Variants in PUM1 observed in about 807,000 individuals in gnomAD.
PUM1 encodes pumilio RNA binding family member 1, also known as pumilio homolog 1.
Under a neutral mutation model 131.8 loss-of-function variants are expected in PUM1, and 13 were observed. That is an observed-to-expected ratio of 0.10 (90% CI 0.06 to 0.16). The LOEUF is 0.16. PUM1 is among the 10% of genes least tolerant of loss of function. The pLI, the probability that PUM1 is intolerant of heterozygous loss-of-function variation, is 1.00. For missense variants in PUM1, 961 were observed against 1,512.4 expected, an observed-to-expected ratio of 0.64 and a Z score of 6.05; for synonymous variants, 509 against 556.5, an observed-to-expected ratio of 0.91 and a Z score of 1.20.
intron 3 of PUM1, among the ~76,000 whole-genome samples, chr1:31,022,999 T>C (rs1469446946): frequency 2.6e-5 from 4 of 151,700 alleles, no homozygotes; most frequent in Admixed American, 6.6e-5. Context: ...TGAAACCCTG[T>C]CTCTATTAAA....
At position 30,992,576 on chromosome 1, in the gene PUM1, C is replaced by G; in HGVS notation, c.972G>C (p.Gln324His). 1 of 1,614,232 alleles carries G rather than the reference C, an allele frequency of 6.2e-7. No individual in the cohort carries two copies. The highest frequency in any genetic ancestry group is 8.5e-7 in the Non-Finnish European group (1 of 1,180,032). The change falls in exon 7 of 22, where the codon CAG becomes CAC. Residue 324 changes from glutamine (Q) to histidine (H), a missense_variant. By Grantham distance (24) the Gln-to-His change is conservative (BLOSUM62 0). Transcript: ENST00000426105. ...PNQNGSEGLA[Q>H]LTSTNGAKPV... ...GCTTGGCACCATTGGTGCTGGTCAG[C>G]TGGGCTAAGCCCTCAGAACCATTCT...
At chr1:31,022,956 G>A (rs1643087191) in intron 3 of PUM1, among the ~76,000 whole-genome samples, 1 of 152,038 alleles carries the variant, frequency 6.6e-6, no homozygotes, top group South Asian at 2.1e-4. Flanking sequence ...ATCACTGGAA[G>A]TCACGAGTTT....
At position 31,059,349 on chromosome 1, in the gene PUM1, C is replaced by A. The variant is rs772604873; in HGVS notation, c.218G>T (p.Gly73Val). The A allele has an allele frequency of 5.6e-6, 9 of 1,614,062 alleles. No individual in the cohort carries two copies. The highest frequency in any genetic ancestry group is 1.1e-5 in the South Asian group (1 of 91,084). Residue 73 changes from glycine to valine, a missense_variant, in exon 2 of 22, where the codon GGC becomes GTC. Transcript: ENST00000426105. The part of the protein sequence containing the change: ...SPVPGSIGVA[G>V]RSQDDAMVDY... Reference sequence around the variant, plus strand: ...CACCATAGCGTCGTCCTGGGAACGGCCTGCAACTCCTATAGATCCTGGGAC... The same window carrying A: ...CACCATAGCGTCGTCCTGGGAACGGACTGCAACTCCTATAGATCCTGGGAC...
At chr1:30,966,373 G>T (rs921257265) in intron 12 of PUM1, 95 bp from the exon 13 acceptor site, 3 of 1,241,718 alleles carry the variant, frequency 2.4e-6, no homozygotes, top group Non-Finnish European at 3.3e-6. Flanking sequence ...TTTTAATGCT[G>T]CCTATCTTTT....
chr1:30,935,422 A>G (rs747598981), intron 21 of PUM1, among the ~76,000 whole-genome samples: 4 of 152,216 alleles, frequency 2.6e-5, no homozygotes, highest in African/African-American at 4.8e-5. Flanking sequence ...CCCAGTAACT[A>G]TCTGTGCACA....
intron 5 of PUM1, among the ~76,000 whole-genome samples, chr1:31,004,187 C>T (rs1464756768): frequency 6.6e-6 from 1 of 152,194 alleles, no homozygotes; most frequent in Non-Finnish European, 1.5e-5. Context: ...AGTGAGATGA[C>T]TGTTTAAAGA....
chr1:30,972,449 A>G (rs113987190), intron 10 of PUM1, among the ~76,000 whole-genome samples: 16 of 730 alleles, frequency 0.022, 6 homozygotes, highest in African/African-American at 0.1. Flanking sequence ...GAGGGGAGGG[A>G]AGAGAAGAGA....
chr1:31,033,376 CTTTTTTT>C (rs748444500), intron 2 of PUM1, among the ~76,000 whole-genome samples: 12 of 102,552 alleles, frequency 1.2e-4, no homozygotes, highest in African/African-American at 1.1e-4. Flanking sequence ...AGCTAATTTT[CTTTTTTT>C]TTTTTTTTTT....
At position 31,012,552 on chromosome 1, in the gene PUM1, TAA is replaced by T. The variant is rs10666570; in HGVS notation, c.433-5452_433-5451del. ...ATAAAATAAAAAAACTTATGAAAAG[TAA>T]AAAAAAAAAAAAAAAAAAAATTCAG... On this transcript the variant is annotated intron_variant, in intron 3 of 21. Coordinates refer to ENST00000426105, the MANE Select transcript of PUM1 (RefSeq NM_001020658.2). Among the ~76,000 whole-genome samples, 654 of 119,160 alleles carry T rather than the reference TAA, an allele frequency of 5.5e-3. 6 individuals are homozygous for T. The highest frequency in any genetic ancestry group is 0.016 in the African/African-American group (522 of 32,374). 78.2% of individuals were successfully genotyped at this position (119,160 alleles called of 152,430 possible). A position where few individuals can be genotyped will look rare whatever the true frequency, so the allele number is the denominator to read the frequency against.
At chr1:31,020,685 G>A (rs1642988681) in intron 3 of PUM1, among the ~76,000 whole-genome samples, 1 of 152,108 alleles carries the variant, frequency 6.6e-6, no homozygotes, top group Admixed American at 6.6e-5. Flanking sequence ...TAGCCTCAGG[G>A]AATTTTAAAT....
At chr1:31,027,404 A>C (rs1643264454) in intron 3 of PUM1, among the ~76,000 whole-genome samples, 1 of 152,248 alleles carries the variant, frequency 6.6e-6, no homozygotes, top group African/African-American at 2.4e-5. Context: ...TATCCAACAA[A>C]TATGTTAACT....
chr1:31,044,411 ATAAAAAT>A (rs1643906076), intron 2 of PUM1, among the ~76,000 whole-genome samples: 2 of 152,108 alleles, frequency 1.3e-5, no homozygotes, highest in Non-Finnish European at 2.9e-5. Context: ...AAAATAAAAA[ATAAAAAT>A]AAATGATGTA....
intron 2 of PUM1, among the ~76,000 whole-genome samples, chr1:31,033,376 CTTTTTTTTTT>C (rs748444500): frequency 2.0e-5 from 2 of 102,556 alleles, no homozygotes; most frequent in East Asian, 5.0e-4. Flanking sequence ...AGCTAATTTT[CTTTTTTTTTT>C]TTTTTTTTTT....
intron 21 of PUM1, among the ~76,000 whole-genome samples, chr1:30,934,442 T>C (rs1222770683): frequency 6.6e-6 from 1 of 152,142 alleles, no homozygotes; most frequent in Admixed American, 6.6e-5. Context: ...TTTAGCTGTG[T>C]CCTCAAAGCA....
At chr1:30,995,578 C>T (rs1365556103) in intron 5 of PUM1, among the ~76,000 whole-genome samples, 1 of 151,936 alleles carries the variant, frequency 6.6e-6, no homozygotes, top group Non-Finnish European at 1.5e-5. Context: ...CCAAACCTAA[C>T]TCTGTATAAT....
chr1:31,028,288 C>T (rs1412423947), intron 3 of PUM1, among the ~76,000 whole-genome samples: 2 of 152,068 alleles, frequency 1.3e-5, no homozygotes, highest in Non-Finnish European at 2.9e-5. Context: ...GTAATTCCTC[C>T]ACTAGAAACC....
In PUM1 at chr1:30,981,585, GTCTC is replaced by G. The variant is rs376521526; in HGVS notation, c.1159-184_1159-181del. On this transcript the variant is annotated intron_variant, in intron 7 of 21. Coordinates refer to ENST00000426105, the MANE Select transcript of PUM1 (RefSeq NM_001020658.2). ...AATGTTTCATACTTCTGTTCTCCCT[GTCTC>G]TCTTTCTTTACTTCAATTTACTGTG... Among the ~76,000 whole-genome samples the G allele has an allele frequency of 7.2e-5, 11 of 151,970 alleles. No homozygotes were observed. In the East Asian group the frequency reaches 9.6e-4, roughly 13 times the overall value.
At chr1:30,935,330 G>A (rs1321008878) in intron 21 of PUM1, among the ~76,000 whole-genome samples, 1 of 152,146 alleles carries the variant, frequency 6.6e-6, no homozygotes, top group African/African-American at 2.4e-5. Flanking sequence ...CACTCCGTTA[G>A]AGAGCCTCCT....
At chr1:30,947,870 A>C (rs1301467187) in intron 17 of PUM1, among the ~76,000 whole-genome samples, 1 of 151,550 alleles carries the variant, frequency 6.6e-6, no homozygotes, top group Non-Finnish European at 1.5e-5. Context: ...GAAGGGAATA[A>C]ATTTTTTTTT....
Sources: gnomAD v4.1 joint callset for allele counts (sites outside exome capture counted in the v4.1 genomes callset) on GRCh38, gnomAD v4.1.1 for gene constraint, MANE v1.5 for transcripts, NCBI Gene and HGNC (gene_info 2026-07-23, HGNC 2026-07-21) for gene names.